The following UNC5C variants were observed in gnomAD, a reference collection of about 807,000 sequenced individuals.
The protein encoded by UNC5C is netrin receptor UNC5C.
In UNC5C, 47 loss-of-function variants were observed where a neutral mutation model predicts 99.8. The ratio of observed to expected loss-of-function variants is 0.47; its 90% CI spans 0.37 to 0.60. The LOEUF (loss-of-function observed/expected upper bound fraction) is 0.60. UNC5C is among the 20% of genes least tolerant of loss of function. The pLI is 0.00. For synonymous variants in UNC5C, 487 were observed against 452.2 expected (o/e 1.08, Z -0.98); for missense variants, 1,062 against 1,165.9 (o/e 0.91, Z 1.30).
intron 4 of UNC5C, among the ~76,000 whole-genome samples, chr4:95,264,584 G>C (rs928399497): frequency 6.6e-6 from 1 of 152,020 alleles, no homozygotes; most frequent in Non-Finnish European, 1.5e-5. Flanking sequence ...AATTAAGCCT[G>C]ACACACCCAC....
At chr4:95,193,487 C>T (rs913885239) in intron 12 of UNC5C, among the ~76,000 whole-genome samples, 2 of 152,192 alleles carry the variant, frequency 1.3e-5, no homozygotes, top group Non-Finnish European at 2.9e-5. Context: ...GCATGCCACT[C>T]ATATGAAACT....
intron 14 of UNC5C, among the ~76,000 whole-genome samples, chr4:95,181,424 G>T (rs1230060742): frequency 6.6e-6 from 1 of 152,052 alleles, no homozygotes; most frequent in Non-Finnish European, 1.5e-5. Context: ...TTTTTAACAC[G>T]CAGCCAATGT....
rs1265943487 is a variant in UNC5C at position 95,175,145 on chromosome 4, G to A, written c.2452-4813C>T. On this transcript the variant is annotated intron_variant, in intron 14 of 15. Transcript: ENST00000453304. ...TTTGAGCCTATGTGTGTCTCTGCAC[G>A]TGAGATGGGTTTCCTGAATACAGCA... Among the ~76,000 whole-genome samples, 84 of 151,604 alleles carry A rather than the reference G, an allele frequency of 5.5e-4. 1 individual carries two copies. The highest frequency in any genetic ancestry group is 1.8e-3 in the African/African-American group (75 of 41,392).
At chr4:95,226,017 G>GAACAAC (rs1738672881) in intron 7 of UNC5C, among the ~76,000 whole-genome samples, 1 of 152,300 alleles carries the variant, frequency 6.6e-6, no homozygotes, top group Non-Finnish European at 1.5e-5. Flanking sequence ...GTCTCTCACG[G>GAACAAC]AACAACAGGG....
chr4:95,468,582 A>AT (rs1362194384), intron 1 of UNC5C, among the ~76,000 whole-genome samples: 4 of 152,278 alleles, frequency 2.6e-5, no homozygotes, highest in African/African-American at 7.2e-5. Context: ...TTGAGGCTTG[A>AT]TGGCTCTCAG....
chr4:95,532,783 T>C (rs978527964), intron 1 of UNC5C, among the ~76,000 whole-genome samples: 1 of 151,934 alleles, frequency 6.6e-6, no homozygotes, highest in African/African-American at 2.4e-5. Context: ...TGTGCCAAAT[T>C]TGGGAGGGTT....
chr4:95,303,550 C>T (rs1416823507), intron 2 of UNC5C, among the ~76,000 whole-genome samples: 1 of 152,170 alleles, frequency 6.6e-6, no homozygotes, highest in Non-Finnish European at 1.5e-5. Flanking sequence ...GTGGCGCACG[C>T]CTGTAATCCC....
intron 1 of UNC5C, among the ~76,000 whole-genome samples, chr4:95,534,704 G>C (rs189519557): frequency 1.6e-4 from 24 of 152,154 alleles, no homozygotes; most frequent in African/African-American, 4.6e-4. Flanking sequence ...CTGTTCATTA[G>C]TCCATTTTAG....
intron 4 of UNC5C, among the ~76,000 whole-genome samples, chr4:95,256,041 C>T (rs995891514): frequency 2.3e-4 from 35 of 152,116 alleles, no homozygotes; most frequent in African/African-American, 8.4e-4. Flanking sequence ...CCTTCCTCCT[C>T]CTGACTTGCT....
chr4:95,401,604 C>T (rs1745699995), intron 1 of UNC5C, among the ~76,000 whole-genome samples: 1 of 152,038 alleles, frequency 6.6e-6, no homozygotes. Flanking sequence ...TGTGCCTCAC[C>T]CCAGTAATTT....
intron 1 of UNC5C, among the ~76,000 whole-genome samples, chr4:95,339,555 C>A (rs1314276913): frequency 6.6e-6 from 1 of 151,960 alleles, no homozygotes; most frequent in African/African-American, 2.4e-5. Context: ...TCAAGGACAT[C>A]AGTGAGTACA....
At chr4:95,546,798 A>G (rs937027847) in intron 1 of UNC5C, among the ~76,000 whole-genome samples, 2 of 152,056 alleles carry the variant, frequency 1.3e-5, no homozygotes, top group Non-Finnish European at 2.9e-5. Context: ...GATTATCTTT[A>G]TTGATCCTTT....
At chr4:95,200,250 C>A (rs1579224651) in intron 12 of UNC5C, among the ~76,000 whole-genome samples, 1 of 152,338 alleles carries the variant, frequency 6.6e-6, no homozygotes, top group South Asian at 2.1e-4. Context: ...AACTTTCTTT[C>A]CTTGGCTTCC....
At chr4:95,439,016 G>A (rs1425679598) in intron 1 of UNC5C, among the ~76,000 whole-genome samples, 3 of 152,122 alleles carry the variant, frequency 2.0e-5, no homozygotes, top group Non-Finnish European at 4.4e-5. Context: ...GATGGTACAA[G>A]GTAGCTTTGT....
intron 7 of UNC5C, among the ~76,000 whole-genome samples, chr4:95,235,499 T>G (rs1739075266): frequency 6.6e-6 from 1 of 152,302 alleles, no homozygotes; most frequent in East Asian, 1.9e-4. Context: ...TAGATCCCAT[T>G]TGTCAATTTT....
chr4:95,185,742 TAAA>T (rs1053989746), intron 12 of UNC5C, among the ~76,000 whole-genome samples: 2 of 152,120 alleles, frequency 1.3e-5, no homozygotes, highest in African/African-American at 4.8e-5. Context: ...AATAAAAATA[TAAA>T]AAGTTTGCTT....
At chr4:95,313,326 G>T (rs1219027125) in intron 2 of UNC5C, among the ~76,000 whole-genome samples, 2 of 152,154 alleles carry the variant, frequency 1.3e-5, no homozygotes, top group Non-Finnish European at 2.9e-5. Flanking sequence ...TTGGTAAAAT[G>T]ACAGTTTTGA....
At chr4:95,178,474 G>GAGAGT (rs1463493819) in intron 14 of UNC5C, among the ~76,000 whole-genome samples, 1 of 151,860 alleles carries the variant, frequency 6.6e-6, no homozygotes, top group African/African-American at 2.4e-5. Flanking sequence ...TCTTTTTGGT[G>GAGAGT]AGAGTATATC....
At chr4:95,405,985 T>C (rs1745821093) in intron 1 of UNC5C, among the ~76,000 whole-genome samples, 1 of 152,184 alleles carries the variant, frequency 6.6e-6, no homozygotes, top group South Asian at 2.1e-4. Flanking sequence ...TGTTTCATCA[T>C]TTACTTAGAT....
Sources: gnomAD v4.1 joint callset for allele counts (sites outside exome capture counted in the v4.1 genomes callset) on GRCh38, gnomAD v4.1.1 for gene constraint, MANE v1.5 for transcripts, NCBI Gene and HGNC (gene_info 2026-07-23, HGNC 2026-07-21) for gene names.